MRPS27: variants seen among roughly 807,000 people sequenced by gnomAD.
The protein encoded by MRPS27 is small ribosomal subunit protein mS27.
MRPS27 carries 43 observed loss-of-function variants against 48.9 expected under a neutral mutation model. The ratio of observed to expected loss-of-function variants is 0.88; its 90% confidence interval spans 0.69 to 1.13. MRPS27 has a LOEUF of 1.13. MRPS27 is among the 50% of genes most tolerant of loss of function. The pLI, the probability that MRPS27 is intolerant of heterozygous loss-of-function variation, is 0.00. For missense variants in MRPS27, 467 were observed against 476.3 expected (o/e 0.98, Z 0.18); for synonymous variants, 188 against 171.9 (o/e 1.09, Z -0.73).
intron 2 of MRPS27, among the ~76,000 whole-genome samples, chr5:72,306,029 C>A (rs1181927353): frequency 6.6e-6 from 1 of 152,126 alleles, no homozygotes; most frequent in African/African-American, 2.4e-5. Flanking sequence ...TGAACTATGG[C>A]CCTATCAATA....
At chr5:72,242,706 A>ACACACACT (rs1393997554) in intron 4 of MRPS27, among the ~76,000 whole-genome samples, 1 of 137,226 alleles carries the variant, frequency 7.3e-6, no homozygotes, top group African/African-American at 2.7e-5. Context: ...ACACACACAC[A>ACACACACT]CTCACGGCAC....
Position 72,221,039 on chromosome 5 carries a change from A to G in MRPS27, c.1115T>C (p.Ile372Thr). 3 of 1,614,166 alleles carry G rather than the reference A, an allele frequency of 1.9e-6. No homozygotes were observed. The South Asian group carries it at 3.3e-5, about 18-fold the overall frequency. Residue 372 changes from isoleucine to threonine, a missense_variant, in exon 11 of 11, where the codon ATC (isoleucine) becomes ACC (threonine). Transcript: ENST00000261413. ...CTGCAGATTCTGCTCATAGGTGGCGATGTCCTCTGCTTCACAGGTGGAGAG... is the reference window on the plus strand; with the variant it reads ...CTGCAGATTCTGCTCATAGGTGGCGGTGTCCTCTGCTTCACAGGTGGAGAG... Reference protein sequence around the residue: ...EKLSTCEAEDIATYEQNLQQW... With the variant: ...EKLSTCEAEDTATYEQNLQQW...
chr5:72,297,541 T>A (rs1176548205), intron 3 of MRPS27, 91 bp downstream of exon 3: 1 of 739,392 alleles, frequency 1.4e-6, no homozygotes, highest in African/African-American at 1.8e-5. Flanking sequence ...CTATGCAAAC[T>A]ATTTTTTATT....
intron 4 of MRPS27, among the ~76,000 whole-genome samples, chr5:72,281,632 G>A (rs1749535349): frequency 6.6e-6 from 1 of 152,146 alleles, no homozygotes; most frequent in African/African-American, 2.4e-5. Context: ...GGGGAGGGAA[G>A]AGCATAGGCA....
chr5:72,313,973 T>C (rs572908640), intron 2 of MRPS27, 108 bp downstream of exon 2: 4 of 814,378 alleles, frequency 4.9e-6, no homozygotes, highest in Non-Finnish European at 7.7e-6. Context: ...CTTATCTGAA[T>C]TGAAACATCA....
chr5:72,250,831 T>A lies in MRPS27; in HGVS notation c.282-12703A>T, dbSNP rs142608819. ...CCCAGGCTGGAGTGCAGTGGCGAGA[T>A]CACAGGCATAACTGTCTTTGGTAGT... is the stretch of plus-strand genomic sequence containing the variant. On this transcript the variant is annotated intron_variant, in intron 4 of 10. Coordinates refer to ENST00000261413, the MANE Select transcript of MRPS27 (RefSeq NM_015084.3). Among the ~76,000 whole-genome samples, 127 of 152,290 alleles carry A rather than the reference T, an allele frequency of 8.3e-4. 2 individuals are homozygous for A. In the East Asian group the frequency reaches 0.023, roughly 27 times the overall value.
intron 7 of MRPS27, among the ~76,000 whole-genome samples, chr5:72,232,196 G>A (rs1182997328): frequency 6.6e-6 from 1 of 152,160 alleles, no homozygotes; most frequent in Non-Finnish European, 1.5e-5. Context: ...ATTTCTGAAT[G>A]TCTGAGGTGC....
chr5:72,224,406 T>A (rs148833543), intron 9 of MRPS27, among the ~76,000 whole-genome samples: 1 of 152,114 alleles, frequency 6.6e-6, no homozygotes, highest in Non-Finnish European at 1.5e-5. Context: ...GAATTATTTG[T>A]ATAAGTGAAT....
chr5:72,285,839 T>C (rs1749658107), intron 4 of MRPS27, among the ~76,000 whole-genome samples: 1 of 152,218 alleles, frequency 6.6e-6, no homozygotes, highest in Admixed American at 6.5e-5. Context: ...TATTTTTTTA[T>C]TGTTGGGATT....
At chr5:72,304,898 C>T (rs140925711) in intron 2 of MRPS27, among the ~76,000 whole-genome samples, 26 of 152,280 alleles carry the variant, frequency 1.7e-4, no homozygotes, top group Non-Finnish European at 3.8e-4. Context: ...ATCTGCATAC[C>T]TTACCTAATT....
At chr5:72,282,353 CTTAA>C (rs1749554143) in intron 4 of MRPS27, among the ~76,000 whole-genome samples, 2 of 152,152 alleles carry the variant, frequency 1.3e-5, no homozygotes, top group Admixed American at 6.5e-5. Flanking sequence ...GAAACGATCT[CTTAA>C]TTATTTTCAA....
rs745503396 is a variant in MRPS27, at chr5:72,223,690, C to A, written c.998G>T (p.Arg333Leu). The A allele has an allele frequency of 1.2e-6, 2 of 1,613,950 alleles. No homozygotes were observed. The highest frequency in any genetic ancestry group is 3.3e-5 in the Admixed American group (2 of 60,008). The change falls in exon 10 of 11, where the codon CGA (arginine) becomes CTA (leucine). Residue 333 changes from arginine to leucine, a missense_variant. Physicochemically the swap from Arg to Leu is moderately radical, Grantham distance 102. Transcript: ENST00000261413. ...CGTTCTGCTATGATTCACCTTAAAT[C>A]GTTCCAGGTATTGAGGAAGCTTGGA... ...EQSKLPQYLE[R>L]FKALHSKLQA... is the part of the protein sequence containing the mutation.
chr5:72,266,272 T>G (rs1472712734), intron 4 of MRPS27, among the ~76,000 whole-genome samples: 1 of 152,222 alleles, frequency 6.6e-6, no homozygotes, highest in Non-Finnish European at 1.5e-5. Flanking sequence ...CTCTGACTTT[T>G]AAGACCCAGA....
chr5:72,246,746 T>C (rs968327383), intron 4 of MRPS27, among the ~76,000 whole-genome samples: 10 of 152,206 alleles, frequency 6.6e-5, no homozygotes, highest in Admixed American at 2.0e-4. Flanking sequence ...TGTAATCTAA[T>C]TCCTTTACTT....
chr5:72,270,671 T>G (rs1252432903), intron 4 of MRPS27, among the ~76,000 whole-genome samples: 1 of 152,090 alleles, frequency 6.6e-6, no homozygotes, highest in African/African-American at 2.4e-5. Context: ...CATTATACAA[T>G]CCTGACGCCA....
chr5:72,246,726 C>T lies in MRPS27; in HGVS notation c.282-8598G>A, dbSNP rs143341124. ...AATTTACTAGCCCTGTTCTAGGTGA[C>T]GTAAAATTATGTAATCTAATTCCTT... On this transcript the variant is annotated intron_variant, in intron 4 of 10. Transcript: ENST00000261413. Among the ~76,000 whole-genome samples the T allele has an allele frequency of 5.4e-3, 817 of 152,036 alleles. 4 individuals are homozygous for T. The highest frequency in any genetic ancestry group is 0.019 in the African/African-American group (778 of 41,476).
chr5:72,258,057 C>T lies in MRPS27; in HGVS notation c.282-19929G>A, dbSNP rs539007926. Reference sequence around the variant, plus strand: ...CACGACAGGGCCACTGCACTCCAGCCTGGACAACAGAGCGAGACTCTGTCT... The same window carrying T: ...CACGACAGGGCCACTGCACTCCAGCTTGGACAACAGAGCGAGACTCTGTCT... On this transcript the variant is annotated intron_variant, in intron 4 of 10. Transcript: ENST00000261413. Among the ~76,000 whole-genome samples the T allele has an allele frequency of 3.6e-5, 5 of 139,490 alleles. No individual in the cohort carries two copies. In the East Asian group the frequency reaches 1.0e-3, roughly 28 times the overall value. 91.5% of individuals were successfully genotyped at this position (139,490 alleles called of 152,430 possible).
chr5:72,269,920 C>T (rs1050543479), intron 4 of MRPS27, among the ~76,000 whole-genome samples: 1 of 151,974 alleles, frequency 6.6e-6, no homozygotes, highest in South Asian at 2.1e-4. Flanking sequence ...TGGCCGGGTG[C>T]GGTGGCTCAC....
chr5:72,259,532 CT>C (rs1364481497), intron 4 of MRPS27, among the ~76,000 whole-genome samples: 1 of 150,246 alleles, frequency 6.7e-6, no homozygotes, highest in Non-Finnish European at 1.5e-5. Context: ...ATTTGAAAAT[CT>C]TTTTTAAATT....
Sources: allele counts gnomAD v4.1 joint callset (sites outside exome capture counted in the v4.1 genomes callset), GRCh38; gene constraint gnomAD v4.1.1; transcripts MANE v1.5; gene names NCBI Gene and HGNC (gene_info 2026-07-23, HGNC 2026-07-21).